The following ITPR1 variants were observed in gnomAD, a reference collection of about 807,000 sequenced individuals.
ITPR1 encodes the protein inositol 1,4,5-trisphosphate-gated calcium channel ITPR1.
ITPR1 carries 96 observed loss-of-function variants against 318.4 expected under a neutral mutation model. That is an observed-to-expected ratio of 0.30 (90% CI 0.26 to 0.36). The LOEUF (loss-of-function observed/expected upper bound fraction) is 0.36, where lower values mean the gene tolerates loss of function less well. Ranked by LOEUF, ITPR1 falls within the 10% of genes least tolerant of loss-of-function variation. The pLI, the probability that ITPR1 is intolerant of heterozygous loss-of-function variation, is 1.00. For missense variants in ITPR1, 2,440 were observed against 3,460.2 expected, an observed-to-expected ratio of 0.71 and a Z score of 7.40; for synonymous variants, 1,312 against 1,289.9, an observed-to-expected ratio of 1.02 and a Z score of -0.37.
chr3:4,782,887 G>T, intron 50 of ITPR1, 146 bp downstream of exon 50: 1 of 649,458 alleles, frequency 1.5e-6, no homozygotes. Flanking sequence ...ACAGGTGCTC[G>T]TGGCAACCTG....
At chr3:4,532,660 G>A (rs1459001354) in intron 4 of ITPR1, among the ~76,000 whole-genome samples, 2 of 151,688 alleles carry the variant, frequency 1.3e-5, no homozygotes, top group African/African-American at 4.8e-5. Flanking sequence ...CATGAGCCAC[G>A]GCACCCTGCC....
intron 4 of ITPR1, among the ~76,000 whole-genome samples, chr3:4,528,948 C>T (rs757551167): frequency 1.5e-4 from 23 of 152,180 alleles, no homozygotes; most frequent in Non-Finnish European, 2.9e-4. Flanking sequence ...AGTCAATTCC[C>T]TGGGCAACAT....
intron 4 of ITPR1, among the ~76,000 whole-genome samples, chr3:4,531,343 G>A (rs377098155): frequency 3.3e-5 from 5 of 152,006 alleles, no homozygotes; most frequent in Non-Finnish European, 5.9e-5. Flanking sequence ...GATTAGCTCC[G>A]GCAACAACAT....
intron 10 of ITPR1, among the ~76,000 whole-genome samples, chr3:4,648,638 T>A (rs1038702740): frequency 1.3e-5 from 2 of 152,088 alleles, no homozygotes; most frequent in East Asian, 3.9e-4. Flanking sequence ...GGTGAAACCC[T>A]GTCTCTACTA....
intron 35 of ITPR1, among the ~76,000 whole-genome samples, chr3:4,700,772 GA>G (rs1217415645): frequency 2.0e-5 from 3 of 152,174 alleles, no homozygotes; most frequent in African/African-American, 7.2e-5. Context: ...ATTTACAGAA[GA>G]AAAAGGTTTA....
intron 10 of ITPR1, among the ~76,000 whole-genome samples, chr3:4,649,611 A>G (rs1307904941): frequency 6.6e-6 from 1 of 152,216 alleles, no homozygotes; most frequent in East Asian, 1.9e-4. Context: ...ATCCTATCAT[A>G]TATGGTCCTT....
intron 4 of ITPR1, among the ~76,000 whole-genome samples, chr3:4,590,174 C>CTTTTTTT (rs10713337): frequency 1.7e-4 from 15 of 87,462 alleles, no homozygotes; most frequent in East Asian, 3.6e-4. Context: ...CTTCGTCTTG[C>CTTTTTTT]TTTTTTTTTT....
At chr3:4,676,560 C>G in intron 23 of ITPR1, 54 bp from the exon 24 acceptor site, 1 of 1,426,668 alleles carries the variant, frequency 7.0e-7, no homozygotes, top group Non-Finnish European at 9.8e-7. Context: ...TGACATATGC[C>G]TCTGAGCATT....
At chr3:4,814,665 G>A in intron 58 of ITPR1, 103 bp downstream of exon 58, 1 of 1,072,600 alleles carries the variant, frequency 9.3e-7, no homozygotes, top group Non-Finnish European at 1.4e-6. Flanking sequence ...CGCAGAGGAA[G>A]AGCTGGGAGT....
intron 1 of ITPR1, among the ~76,000 whole-genome samples, chr3:4,494,128 T>C (rs895922050): frequency 2.6e-5 from 4 of 152,354 alleles, no homozygotes; most frequent in Admixed American, 2.0e-4. Flanking sequence ...TACTTGGCCT[T>C]CTCGCCGGGA....
intron 25 of ITPR1, 70 bp downstream of exon 25, chr3:4,680,761 C>A: frequency 7.4e-7 from 1 of 1,357,800 alleles, no homozygotes; most frequent in Non-Finnish European, 1.0e-6. Context: ...GGAGAGCAAA[C>A]AGTATCTTCT....
At chr3:4,522,305 C>G (rs1283434651) in intron 4 of ITPR1, among the ~76,000 whole-genome samples, 2 of 152,208 alleles carry the variant, frequency 1.3e-5, no homozygotes, top group Non-Finnish European at 2.9e-5. Context: ...GGGCTCAAAT[C>G]TTGCCATTTG....
intron 44 of ITPR1, among the ~76,000 whole-genome samples, chr3:4,759,432 T>G (rs11706581): frequency 0.24 from 36,544 of 152,158 alleles, 5,762 homozygotes; most frequent in Non-Finnish European, 0.35. Flanking sequence ...GGTTGTAGTT[T>G]CAACCAGCCA....
At chr3:4,749,817 C>G (rs748491906) in intron 44 of ITPR1, 1 of 152,700 alleles carries the variant, frequency 6.5e-6, no homozygotes. Flanking sequence ...CCTATAAGCA[C>G]GTGCTCCTTT....
At chr3:4,809,265 A>C (rs2048783839) in intron 55 of ITPR1, among the ~76,000 whole-genome samples, 1 of 152,252 alleles carries the variant, frequency 6.6e-6, no homozygotes, top group South Asian at 2.1e-4. Flanking sequence ...CCGAAAAGGA[A>C]TAACTAGACG....
At chr3:4,523,332 T>C (rs1220182787) in intron 4 of ITPR1, among the ~76,000 whole-genome samples, 2 of 152,200 alleles carry the variant, frequency 1.3e-5, no homozygotes, top group Admixed American at 6.5e-5. Flanking sequence ...TAAATCGACA[T>C]ATATTTATGG....
At chr3:4,665,802 A>G (rs1400736752) in intron 17 of ITPR1, among the ~76,000 whole-genome samples, 1 of 152,182 alleles carries the variant, frequency 6.6e-6, no homozygotes, top group East Asian at 1.9e-4. Context: ...TACACACACA[A>G]TGTATAGTCT....
intron 5 of ITPR1, among the ~76,000 whole-genome samples, chr3:4,635,116 T>A (rs2093144174): frequency 6.6e-6 from 1 of 152,180 alleles, no homozygotes; most frequent in Non-Finnish European, 1.5e-5. Flanking sequence ...AAGCAGCCTC[T>A]ATGGGCAGAC....
chr3:4,789,152 G>T (rs1289394204), intron 52 of ITPR1, among the ~76,000 whole-genome samples: 1 of 152,202 alleles, frequency 6.6e-6, no homozygotes. Flanking sequence ...TCGTCTCTAA[G>T]GGGCACCTCC....
Sources: gnomAD v4.1 joint callset for allele counts (sites outside exome capture counted in the v4.1 genomes callset) on GRCh38, gnomAD v4.1.1 for gene constraint, MANE v1.5 for transcripts, NCBI Gene and HGNC (gene_info 2026-07-23, HGNC 2026-07-21) for gene names.